ZFYVE9: variants seen among roughly 807,000 people sequenced by gnomAD.
The protein encoded by ZFYVE9 is zinc finger FYVE-type containing 9.
ZFYVE9 carries 43 observed loss-of-function variants against 126.7 expected under a neutral mutation model. The observed-to-expected ratio is 0.34, with a 90% CI of 0.27 to 0.44. ZFYVE9 has a LOEUF of 0.44. Ranked by LOEUF, ZFYVE9 falls within the 20% of genes least tolerant of loss-of-function variation. The pLI, the probability that ZFYVE9 is intolerant of heterozygous loss-of-function variation, is 1.00. For synonymous variants in ZFYVE9, 521 were observed against 597.4 expected (o/e 0.87, Z 1.87); for missense variants, 1,476 against 1,697.0 (o/e 0.87, Z 2.29).
intron 16 of ZFYVE9, among the ~76,000 whole-genome samples, chr1:52,339,310 C>CA (rs1257201678): frequency 1.3e-5 from 2 of 149,958 alleles, no homozygotes; most frequent in Non-Finnish European, 3.0e-5. Flanking sequence ...TTTTTGGAGA[C>CA]AGAGTCTTGC....
chr1:52,297,832 T>G (rs1240979288), intron 12 of ZFYVE9, among the ~76,000 whole-genome samples: 2 of 151,852 alleles, frequency 1.3e-5, no homozygotes, highest in African/African-American at 2.4e-5. Flanking sequence ...AAGCAATTCT[T>G]GTGCCTCAGC....
At chr1:52,232,534 G>T (rs1645232924) in intron 2 of ZFYVE9, among the ~76,000 whole-genome samples, 1 of 152,002 alleles carries the variant, frequency 6.6e-6, no homozygotes, top group African/African-American at 2.4e-5. Context: ...TTTGAGACCA[G>T]CCTGGCCAAC....
At chr1:52,267,928 G>C (rs1210365916) in intron 6 of ZFYVE9, among the ~76,000 whole-genome samples, 1 of 152,036 alleles carries the variant, frequency 6.6e-6, no homozygotes, top group Non-Finnish European at 1.5e-5. Context: ...GCAAAGATCT[G>C]GTCAGTTTGC....
At chr1:52,172,437 T>C (rs1182126858) in intron 1 of ZFYVE9, among the ~76,000 whole-genome samples, 5 of 152,242 alleles carry the variant, frequency 3.3e-5, no homozygotes, top group Non-Finnish European at 4.4e-5. Context: ...GGTAGCATGA[T>C]GCCTCCAGCT....
intron 1 of ZFYVE9, among the ~76,000 whole-genome samples, chr1:52,194,040 C>G (rs565852): frequency 1.3e-5 from 2 of 151,962 alleles, no homozygotes; most frequent in East Asian, 3.9e-4. Context: ...ACCTAGGAAG[C>G]GAAGGTTGCA....
At chr1:52,186,040 A>G (rs1644762211) in intron 1 of ZFYVE9, among the ~76,000 whole-genome samples, 2 of 152,024 alleles carry the variant, frequency 1.3e-5, no homozygotes, top group Non-Finnish European at 2.9e-5. Context: ...CAGGAGTTCA[A>G]GACCAGCCTG....
chr1:52,346,017 T>C (rs1187936592), intron 18 of ZFYVE9, 43 bp from the exon 19 acceptor site: 1 of 1,523,928 alleles, frequency 6.6e-7, no homozygotes, highest in Admixed American at 2.0e-5. Flanking sequence ...GGAGAGGCCT[T>C]CTCTGTTCAG....
chr1:52,333,109 ATG>A (rs1156464310), intron 14 of ZFYVE9, among the ~76,000 whole-genome samples, 191 bp downstream of exon 14: 1 of 152,068 alleles, frequency 6.6e-6, no homozygotes, highest in Non-Finnish European at 1.5e-5. Context: ...CAAATGGGAT[ATG>A]TGTTATTGAG....
intron 1 of ZFYVE9, among the ~76,000 whole-genome samples, chr1:52,191,127 T>C (rs1055909665): frequency 1.5e-4 from 23 of 151,912 alleles, no homozygotes; most frequent in African/African-American, 4.8e-4. Context: ...TTTTGTAGAG[T>C]CAGGGTTTCA....
intron 1 of ZFYVE9, among the ~76,000 whole-genome samples, chr1:52,148,947 A>ATTTTTTTTTTTT (rs56300233): frequency 5.8e-5 from 2 of 34,218 alleles, no homozygotes; most frequent in Non-Finnish European, 5.8e-5. Flanking sequence ...CCTTAACATG[A>ATTTTTTTTTTTT]TTTTTTTTTT....
intron 8 of ZFYVE9, among the ~76,000 whole-genome samples, chr1:52,274,949 A>T (rs910612396): frequency 2.0e-5 from 3 of 152,220 alleles, no homozygotes; most frequent in Admixed American, 2.0e-4. Context: ...TATAATATAC[A>T]TTCAGAAAGA....
chr1:52,275,323 T>C (rs994655848), intron 8 of ZFYVE9, among the ~76,000 whole-genome samples: 1 of 152,198 alleles, frequency 6.6e-6, no homozygotes, highest in African/African-American at 2.4e-5. Context: ...ATGTCTTTGT[T>C]ATTGTGAATA....
At chr1:52,181,066 CTCTCCCTCACTT>C (rs888353121) in intron 1 of ZFYVE9, among the ~76,000 whole-genome samples, 1 of 152,014 alleles carries the variant, frequency 6.6e-6, no homozygotes, top group Non-Finnish European at 1.5e-5. Flanking sequence ...CTCCCTCTCC[CTCTCCCTCACTT>C]TCTCCCTCAC....
At chr1:52,260,396 A>T (rs996079730) in intron 4 of ZFYVE9, among the ~76,000 whole-genome samples, 1 of 152,128 alleles carries the variant, frequency 6.6e-6, no homozygotes, top group African/African-American at 2.4e-5. Flanking sequence ...TTTATCATAA[A>T]TTAATTTTTT....
chr1:52,260,089 C>A (rs997059463), intron 4 of ZFYVE9, among the ~76,000 whole-genome samples: 1 of 151,592 alleles, frequency 6.6e-6, no homozygotes, highest in African/African-American at 2.4e-5. Flanking sequence ...CTGAGTCATA[C>A]TGAATAAACA....
chr1:52,229,672 A>G (rs1418153824), intron 2 of ZFYVE9, among the ~76,000 whole-genome samples: 1 of 152,166 alleles, frequency 6.6e-6, no homozygotes, highest in Non-Finnish European at 1.5e-5. Context: ...CCAGGAATAC[A>G]TGGTGAACAC....
chr1:52,161,164 A>G (rs962504194), intron 1 of ZFYVE9, among the ~76,000 whole-genome samples: 1 of 152,238 alleles, frequency 6.6e-6, no homozygotes. Flanking sequence ...AATTTCTAAC[A>G]GCAAATTATA....
chr1:52,324,462 G>A (rs1167078746), intron 13 of ZFYVE9, among the ~76,000 whole-genome samples: 1 of 152,016 alleles, frequency 6.6e-6, no homozygotes, highest in Non-Finnish European at 1.5e-5. Context: ...CTTTTCCATC[G>A]TTCTTCAGCT....
At chr1:52,151,485 T>C (rs912799801) in intron 1 of ZFYVE9, among the ~76,000 whole-genome samples, 1 of 151,946 alleles carries the variant, frequency 6.6e-6, no homozygotes, top group African/African-American at 2.4e-5. Context: ...GTGAATCTTG[T>C]CCTGTGTCTA....
Sources: gnomAD v4.1 joint callset for allele counts (sites outside exome capture counted in the v4.1 genomes callset) on GRCh38, gnomAD v4.1.1 for gene constraint, MANE v1.5 for transcripts, NCBI Gene and HGNC (gene_info 2026-07-23, HGNC 2026-07-21) for gene names.